C9: variants seen among roughly 807,000 people sequenced by gnomAD.
C9 encodes complement component C9.
C9 carries 63 observed loss-of-function variants against 65.4 expected under a neutral mutation model. The observed-to-expected ratio is 0.96, with a 90% CI of 0.79 to 1.19. The LOEUF (loss-of-function observed/expected upper bound fraction) is 1.19. C9 is among the 50% of genes most tolerant of loss of function. The pLI, the probability that C9 is intolerant of heterozygous loss-of-function variation, is 0.00. For missense variants in C9, 744 were observed against 670.1 expected, an observed-to-expected ratio of 1.11 and a Z score of -1.22; for synonymous variants, 229 against 227.9, an observed-to-expected ratio of 1.00 and a Z score of -0.04.
intron 5 of C9, among the ~76,000 whole-genome samples, chr5:39,328,521 A>T (rs1027567164): frequency 1.3e-5 from 2 of 152,246 alleles, no homozygotes; most frequent in African/African-American, 2.4e-5. Flanking sequence ...GCAGAAAACA[A>T]TAAGGTTCAT....
At chr5:39,334,524 G>T (rs1285121729) in intron 4 of C9, among the ~76,000 whole-genome samples, 3 of 132,922 alleles carry the variant, frequency 2.3e-5, no homozygotes, top group African/African-American at 8.3e-5. Context: ...GGGAGGTGGG[G>T]GTCAGCCCCC....
intron 4 of C9, among the ~76,000 whole-genome samples, chr5:39,333,717 T>G (rs1337448580): frequency 1.3e-5 from 2 of 152,108 alleles, no homozygotes; most frequent in African/African-American, 4.8e-5. Flanking sequence ...CCCTGCCTGA[T>G]TCTCCTGCCT....
In C9 at chr5:39,331,673, T is replaced by C. The variant is rs750152828; in HGVS notation, c.615+3A>G. On this transcript the variant is annotated splice_donor_region_variant and intron_variant, in intron 5 of 10. Coordinates refer to ENST00000263408, the MANE Select transcript of C9 (RefSeq NM_001737.5). Reference sequence around the variant, plus strand: ...CAATGTGTTTTCCTCCGAGGAGACTTACTTCATAGATCAAAGAAGCCACGT... The same window carrying C: ...CAATGTGTTTTCCTCCGAGGAGACTCACTTCATAGATCAAAGAAGCCACGT... The C allele has an allele frequency of 6.2e-7, 1 of 1,613,768 alleles. No individual in the cohort carries two copies. Among genetic ancestry groups the C allele is most frequent in the Admixed American group, 1.7e-5 (1 of 60,018 alleles).
chr5:39,299,809 T>G (rs1753251079), intron 9 of C9, among the ~76,000 whole-genome samples: 1 of 152,102 alleles, frequency 6.6e-6, no homozygotes. Flanking sequence ...AATTTTACTT[T>G]ACATAAGTAA....
At chr5:39,289,836 T>C (rs1753056947) in intron 9 of C9, among the ~76,000 whole-genome samples, 1 of 151,904 alleles carries the variant, frequency 6.6e-6, no homozygotes, top group South Asian at 2.1e-4. Context: ...GTTAGGATTC[T>C]TATACCAATT....
chr5:39,319,137 C>T (rs1387701344), intron 5 of C9, among the ~76,000 whole-genome samples: 2 of 152,226 alleles, frequency 1.3e-5, no homozygotes, highest in Non-Finnish European at 2.9e-5. Context: ...ATTCCCACTC[C>T]TATTTCAAGT....
intron 1 of C9, among the ~76,000 whole-genome samples, chr5:39,354,138 T>C (rs1323368176): frequency 2.0e-5 from 3 of 152,186 alleles, no homozygotes; most frequent in African/African-American, 7.2e-5. Flanking sequence ...TGCCAAAACG[T>C]CTAGAAGAAC....
chr5:39,355,729 A>AT (rs946931920), intron 1 of C9, among the ~76,000 whole-genome samples: 11 of 152,028 alleles, frequency 7.2e-5, no homozygotes, highest in Non-Finnish European at 1.5e-4. Context: ...ACAGAAATTT[A>AT]TTTTTTTGCA....
chr5:39,300,397 G>A (rs1753258856), intron 9 of C9, among the ~76,000 whole-genome samples: 1 of 152,046 alleles, frequency 6.6e-6, no homozygotes. Context: ...GGGTGACAGA[G>A]TGAGACTCGA....
At chr5:39,298,389 T>C (rs575488991) in intron 9 of C9, among the ~76,000 whole-genome samples, 1 of 151,554 alleles carries the variant, frequency 6.6e-6, no homozygotes, top group African/African-American at 2.4e-5. Context: ...CAAAAAATGA[T>C]AAACCTCTAC....
At position 39,342,459 on chromosome 5, in the gene C9, G is replaced by A. The variant is rs147329917; in HGVS notation, c.78-263C>T. Among the ~76,000 whole-genome samples, 318 of 152,250 alleles carry A rather than the reference G, an allele frequency of 2.1e-3. 1 individual carries two copies. Among genetic ancestry groups the A allele is most frequent in the African/African-American group, 7.5e-3 (311 of 41,536 alleles). On this transcript the variant is annotated intron_variant, in intron 1 of 10. Coordinates refer to ENST00000263408, the MANE Select transcript of C9 (RefSeq NM_001737.5). ...TGAAACAACAAAACAACGGCAATGA[G>A]GAAAACTAGCAAAGCATCTTTCCAG...
intron 4 of C9, among the ~76,000 whole-genome samples, chr5:39,333,568 C>CTCCCTCTCCCTT (rs1230779835): frequency 6.7e-6 from 1 of 149,598 alleles, no homozygotes; most frequent in African/African-American, 2.4e-5. Flanking sequence ...CCCTCTCCCT[C>CTCCCTCTCCCTT]TCCCTCTCCC....
chr5:39,361,205 G>A (rs1754512289), intron 1 of C9, among the ~76,000 whole-genome samples: 1 of 152,094 alleles, frequency 6.6e-6, no homozygotes, highest in Non-Finnish European at 1.5e-5. Flanking sequence ...GATTACGTAT[G>A]AGTCTATGGT....
At chr5:39,316,426 G>A (rs1753570898) in intron 5 of C9, among the ~76,000 whole-genome samples, 2 of 152,142 alleles carry the variant, frequency 1.3e-5, no homozygotes, top group African/African-American at 4.8e-5. Flanking sequence ...TGCTATGGTG[G>A]TTTGCTGCAC....
At chr5:39,289,920 G>A (rs1386738166) in intron 9 of C9, among the ~76,000 whole-genome samples, 2 of 151,838 alleles carry the variant, frequency 1.3e-5, no homozygotes, top group South Asian at 4.1e-4. Flanking sequence ...GCAACATGGA[G>A]GGACATGATC....
chr5:39,315,729 T>C, intron 6 of C9, 46 bp downstream of exon 6: 1 of 1,393,052 alleles, frequency 7.2e-7, no homozygotes, highest in Non-Finnish European at 1.0e-6. Context: ...AGAGTCTGGG[T>C]AGTTTGGAAC....
intron 7 of C9, among the ~76,000 whole-genome samples, chr5:39,310,395 CATGA>C (rs1326645228): frequency 6.6e-6 from 1 of 152,158 alleles, no homozygotes; most frequent in African/African-American, 2.4e-5. Flanking sequence ...TTACTCACAA[CATGA>C]ATGATTACAA....
At chr5:39,359,102 G>GTGTGTGTATATA (rs1407613505) in intron 1 of C9, among the ~76,000 whole-genome samples, 37 of 103,652 alleles carry the variant, frequency 3.6e-4, no homozygotes, top group Middle Eastern at 5.9e-3. Flanking sequence ...GTGTGTGTGT[G>GTGTGTGTATATA]TATATATATA....
chr5:39,288,667 G>A (rs1753034258), intron 10 of C9, 56 bp downstream of exon 10: 1 of 912,046 alleles, frequency 1.1e-6, no homozygotes, highest in South Asian at 1.3e-5. Context: ...TTTCAAATTA[G>A]ATAACCCCAA....
Sources: gnomAD v4.1 joint callset for allele counts (sites outside exome capture counted in the v4.1 genomes callset) on GRCh38, gnomAD v4.1.1 for gene constraint, MANE v1.5 for transcripts, NCBI Gene and HGNC (gene_info 2026-07-23, HGNC 2026-07-21) for gene names.